The following PCDH15 variants were observed in gnomAD, a reference collection of about 807,000 sequenced individuals.
The protein encoded by PCDH15 is protocadherin-15.
A neutral mutation model predicts 178.5 loss-of-function variants in PCDH15; 129 were observed. The ratio of observed to expected loss-of-function variants is 0.72; its 90% CI spans 0.63 to 0.84. PCDH15 has a LOEUF of 0.84. PCDH15 is among the 40% of genes least tolerant of loss of function. The pLI is 0.00. For synonymous variants in PCDH15, 800 were observed against 732.0 expected, an observed-to-expected ratio of 1.09 and a Z score of -1.50; for missense variants, 2,230 against 2,099.9, an observed-to-expected ratio of 1.06 and a Z score of -1.21.
At chr10:55,352,336 G>C (rs142229066) in intron 2 of PCDH15, among the ~76,000 whole-genome samples, 1 of 152,128 alleles carries the variant, frequency 6.6e-6, no homozygotes, top group Non-Finnish European at 1.5e-5. Flanking sequence ...TCAAAAACGG[G>C]TTGTAAAGCA....
intron 2 of PCDH15, among the ~76,000 whole-genome samples, chr10:54,980,139 A>G (rs535647648): frequency 6.6e-6 from 1 of 152,262 alleles, no homozygotes; most frequent in South Asian, 2.1e-4. Context: ...AACCTTGGAG[A>G]TGACCTTGAG....
At position 54,022,995 on chromosome 10, in the gene PCDH15, T is replaced by C. The variant is rs1317626271; in HGVS notation, c.2423A>G (p.Lys808Arg). 11 of 1,613,986 alleles carry C rather than the reference T, an allele frequency of 6.8e-6. No individual in the cohort carries two copies. The highest frequency in any genetic ancestry group is 8.5e-6 in the Non-Finnish European group (10 of 1,179,884). ...PRHSTLTLAI[K>R]VLDIDDNSPV... Reference sequence around the variant, plus strand: ...ACTGTTATCATCAATGTCCAAAACCTTGATGGCCAAGGTTAGAGTTGAATG... The same window carrying C: ...ACTGTTATCATCAATGTCCAAAACCCTGATGGCCAAGGTTAGAGTTGAATG... Residue 808 changes from lysine to arginine, a missense_variant, in exon 19 of 38, where the codon AAG (lysine) becomes AGG (arginine). Coordinates refer to ENST00000644397, the MANE Select transcript of PCDH15 (RefSeq NM_001384140.1).
intron 3 of PCDH15, among the ~76,000 whole-genome samples, chr10:54,863,816 G>C (rs1002402176): frequency 2.0e-5 from 3 of 152,168 alleles, no homozygotes; most frequent in African/African-American, 7.2e-5. Flanking sequence ...AAGGAAAGCA[G>C]TGAAGTTGTT....
At chr10:53,937,728 C>A (rs1354042312) in intron 25 of PCDH15, among the ~76,000 whole-genome samples, 1 of 152,164 alleles carries the variant, frequency 6.6e-6, no homozygotes, top group Non-Finnish European at 1.5e-5. Context: ...AACTGCCAAA[C>A]TGATACAGAA....
At chr10:53,960,768 C>G (rs1021472819) in intron 22 of PCDH15, among the ~76,000 whole-genome samples, 1 of 152,176 alleles carries the variant, frequency 6.6e-6, no homozygotes, top group Non-Finnish European at 1.5e-5. Flanking sequence ...CTGTTCCAAA[C>G]AGCGGTAAAA....
rs60921527 is a variant in PCDH15, at chr10:55,434,077, C to CTTTTTTTTTT, written c.-156+193538_-156+193547dup. On this transcript the variant is annotated intron_variant, in intron 2 of 5. Transcript: ENST00000613346. Reference sequence around the variant, plus strand: ...AATTCTCCGCTTTTTCTTTTCTTTTCTTTTTTTTTTTTTTTTTTTTTGAGA... The same window carrying CTTTTTTTTTT: ...AATTCTCCGCTTTTTCTTTTCTTTTCTTTTTTTTTTTTTTTTTTTTTTTTTTTTTTTGAGA... Among the ~76,000 whole-genome samples the CTTTTTTTTTT allele has an allele frequency of 3.7e-3, 332 of 90,796 alleles. 2 individuals are homozygous for CTTTTTTTTTT. Among genetic ancestry groups the CTTTTTTTTTT allele is most frequent in the Non-Finnish European group, 4.6e-3 (236 of 51,214 alleles). 59.6% of individuals were successfully genotyped at this position (90,796 alleles called of 152,430 possible). A position where few individuals can be genotyped will look rare whatever the true frequency, so the allele number is the denominator to read the frequency against.
intron 2 of PCDH15, among the ~76,000 whole-genome samples, chr10:55,347,480 C>T (rs1844794560): frequency 6.6e-6 from 1 of 152,080 alleles, no homozygotes; most frequent in Non-Finnish European, 1.5e-5. Flanking sequence ...ATAAATTATA[C>T]ACACACAAAT....
chr10:54,487,497 A>C (rs546628517), intron 3 of PCDH15, among the ~76,000 whole-genome samples: 15 of 152,192 alleles, frequency 9.9e-5, no homozygotes, highest in African/African-American at 3.4e-4. Context: ...ATTTATACAA[A>C]TAAAAATAAA....
At chr10:55,300,911 T>C (rs1247058757) in intron 1 of PCDH15, among the ~76,000 whole-genome samples, 1 of 152,186 alleles carries the variant, frequency 6.6e-6, no homozygotes, top group Non-Finnish European at 1.5e-5. Flanking sequence ...TGTAGGCATC[T>C]ATAGAATATT....
At chr10:55,336,733 G>C (rs372072151) in intron 2 of PCDH15, among the ~76,000 whole-genome samples, 46 of 151,924 alleles carry the variant, frequency 3.0e-4, no homozygotes, top group Admixed American at 4.6e-4. Context: ...AGACCCTTTC[G>C]CTCTCCAAAC....
chr10:54,301,199 G>A (rs2060130203), intron 8 of PCDH15, among the ~76,000 whole-genome samples: 1 of 152,046 alleles, frequency 6.6e-6, no homozygotes, highest in African/African-American at 2.4e-5. Flanking sequence ...GAACCCACTG[G>A]AAGGAACAAA....
At chr10:54,952,901 T>G (rs1838382532) in intron 2 of PCDH15, among the ~76,000 whole-genome samples, 1 of 144,540 alleles carries the variant, frequency 6.9e-6, no homozygotes, top group African/African-American at 2.4e-5. Flanking sequence ...TTGTTGATTC[T>G]TTCACATTTT....
chr10:53,834,103 TGAA>T (rs1301459612), intron 29 of PCDH15, among the ~76,000 whole-genome samples: 1 of 152,150 alleles, frequency 6.6e-6, no homozygotes, highest in Non-Finnish European at 1.5e-5. Flanking sequence ...TAACTGAAAC[TGAA>T]GAAAGCAAAA....
At position 54,186,570 on chromosome 10, in the gene PCDH15, T is replaced by C. The variant is rs565367028; in HGVS notation, c.1306-1302A>G. On this transcript the variant is annotated intron_variant, in intron 11 of 37. Coordinates refer to ENST00000644397, the MANE Select transcript of PCDH15 (RefSeq NM_001384140.1). Reference sequence around the variant, plus strand: ...GTATTCATAATATCTCATTCTGTAGTAGCTTCTATGTTCAGGATTTTGACT... The same window carrying C: ...GTATTCATAATATCTCATTCTGTAGCAGCTTCTATGTTCAGGATTTTGACT... Among the ~76,000 whole-genome samples the C allele has an allele frequency of 5.3e-5, 8 of 152,134 alleles. No homozygotes were observed. In the East Asian group the frequency reaches 1.5e-3, roughly 29 times the overall value.
chr10:54,222,068 T>C (rs2052890810), intron 9 of PCDH15, among the ~76,000 whole-genome samples: 1 of 152,360 alleles, frequency 6.6e-6, no homozygotes, highest in African/African-American at 2.4e-5. Flanking sequence ...CATACATTGA[T>C]GAACACTTGA....
intron 3 of PCDH15, among the ~76,000 whole-genome samples, chr10:54,433,692 A>C (rs1455541874): frequency 3.3e-5 from 5 of 152,140 alleles, no homozygotes; most frequent in Non-Finnish European, 5.9e-5. Context: ...TAACTAAAAA[A>C]GTGTATTGGA....
chr10:54,571,750 T>G (rs1010706906), intron 2 of PCDH15, among the ~76,000 whole-genome samples: 1 of 152,170 alleles, frequency 6.6e-6, no homozygotes, highest in African/African-American at 2.4e-5. Flanking sequence ...AAACACATAC[T>G]TCACCTTTTT....
intron 20 of PCDH15, among the ~76,000 whole-genome samples, chr10:53,998,766 T>C (rs187573330): frequency 6.6e-6 from 1 of 152,228 alleles, no homozygotes; most frequent in Admixed American, 6.5e-5. Flanking sequence ...AAAAATAACG[T>C]GTAGGCTGGG....
At chr10:54,958,237 C>CT (rs927256505) in intron 2 of PCDH15, among the ~76,000 whole-genome samples, 11 of 130,182 alleles carry the variant, frequency 8.4e-5, no homozygotes, top group Non-Finnish European at 1.5e-4. Context: ...AAATTTGTCT[C>CT]TTTTTTTTCT....
Sources: gnomAD v4.1 joint callset for allele counts (sites outside exome capture counted in the v4.1 genomes callset) on GRCh38, gnomAD v4.1.1 for gene constraint, MANE v1.5 for transcripts, NCBI Gene and HGNC (gene_info 2026-07-23, HGNC 2026-07-21) for gene names.